The following SAMMSON variants were observed in gnomAD, a reference collection of about 807,000 sequenced individuals.
SAMMSON encodes the protein long intergenic non-protein coding RNA 1212.
intron 4 of SAMMSON, among the ~76,000 whole-genome samples, chr3:70,087,301 T>C (rs1372702203): frequency 6.6e-6 from 1 of 152,232 alleles, no homozygotes; most frequent in Non-Finnish European, 1.5e-5. Context: ...AACATTAGCT[T>C]ATTTAATTTG....
intron 1 of SAMMSON, among the ~76,000 whole-genome samples, chr3:70,009,765 T>C (rs923722155): frequency 6.6e-6 from 1 of 150,676 alleles, no homozygotes; most frequent in Non-Finnish European, 1.5e-5. Context: ...TGCTTTCTTT[T>C]GTGGGCATTT....
chr3:70,165,164 A>G (rs1218810216), intron 4 of SAMMSON, among the ~76,000 whole-genome samples: 1 of 152,036 alleles, frequency 6.6e-6, no homozygotes, highest in Non-Finnish European at 1.5e-5. Flanking sequence ...AGAAAAACAA[A>G]TCTCTTAATT....
chr3:70,107,788 C>G (rs1249606923), intron 4 of SAMMSON, among the ~76,000 whole-genome samples: 1 of 151,940 alleles, frequency 6.6e-6, no homozygotes, highest in Admixed American at 6.6e-5. Flanking sequence ...GTGATTCTGT[C>G]TTACAAATTG....
At chr3:70,045,181 C>T (rs144831686) in intron 3 of SAMMSON, among the ~76,000 whole-genome samples, 69,254 of 131,266 alleles carry the variant, frequency 0.53, 18,755 homozygotes, top group East Asian at 0.74. Flanking sequence ...TTATATATAT[C>T]GTTAATTATA....
chr3:70,297,993 TA>T (rs951051321), intron 7 of SAMMSON, among the ~76,000 whole-genome samples: 4 of 152,106 alleles, frequency 2.6e-5, no homozygotes, highest in Admixed American at 6.6e-5. Context: ...GAGAAATTTT[TA>T]AAAATTCTAA....
At chr3:70,161,282 G>A (rs1367396752) in intron 4 of SAMMSON, among the ~76,000 whole-genome samples, 1 of 151,926 alleles carries the variant, frequency 6.6e-6, no homozygotes, top group Admixed American at 6.6e-5. Flanking sequence ...AGTCTTTTAT[G>A]AGGAAGTATG....
At chr3:70,102,634 A>G (rs1412697616) in intron 4 of SAMMSON, among the ~76,000 whole-genome samples, 2 of 152,146 alleles carry the variant, frequency 1.3e-5, no homozygotes, top group African/African-American at 2.4e-5. Context: ...TAAAGGAGGG[A>G]GAATTCATCA....
intron 4 of SAMMSON, among the ~76,000 whole-genome samples, chr3:70,209,647 TC>T (rs1701324106): frequency 1.3e-5 from 2 of 152,098 alleles, no homozygotes; most frequent in Admixed American, 6.6e-5. Flanking sequence ...CCTGGTAGAT[TC>T]CAAAAGCTTT....
intron 4 of SAMMSON, chr3:70,127,754 G>C (rs2067465506): frequency 6.6e-6 from 1 of 152,162 alleles, no homozygotes; most frequent in Non-Finnish European, 1.5e-5. Context: ...CTATTCTTGT[G>C]CCTCAGCCTC....
At chr3:70,428,450 T>A (rs1263671774) in intron 2 of SAMMSON, among the ~76,000 whole-genome samples, 2 of 152,318 alleles carry the variant, frequency 1.3e-5, no homozygotes, top group East Asian at 3.9e-4. Context: ...ATTACTGATT[T>A]CTGATAACGG....
chr3:70,210,024 G>C (rs1003384207), intron 4 of SAMMSON, among the ~76,000 whole-genome samples: 1 of 152,048 alleles, frequency 6.6e-6, no homozygotes, highest in African/African-American at 2.4e-5. Flanking sequence ...TTAACAATCA[G>C]TTCAAATTAT....
intron 7 of SAMMSON, among the ~76,000 whole-genome samples, chr3:70,317,211 C>T (rs1242008394): frequency 1.3e-5 from 2 of 151,988 alleles, no homozygotes; most frequent in Non-Finnish European, 2.9e-5. Context: ...TATATATACA[C>T]AGGCTTACAG....
intron 7 of SAMMSON, among the ~76,000 whole-genome samples, chr3:70,337,587 G>A (rs1457045282): frequency 6.6e-6 from 1 of 151,760 alleles, no homozygotes; most frequent in African/African-American, 2.4e-5. Context: ...TCTTTATTTA[G>A]GGAGATCTTG....
chr3:70,387,226 T>C (rs1703129623), intron 9 of SAMMSON, among the ~76,000 whole-genome samples: 1 of 152,068 alleles, frequency 6.6e-6, no homozygotes, highest in Non-Finnish European at 1.5e-5. Flanking sequence ...AGAAGGTTGA[T>C]ATAAGGCAAA....
At chr3:70,043,885 G>C (rs559015207) in intron 3 of SAMMSON, among the ~76,000 whole-genome samples, 1 of 151,738 alleles carries the variant, frequency 6.6e-6, no homozygotes. Context: ...TTCTAGATTG[G>C]TGATGGTGAA....
intron 4 of SAMMSON, among the ~76,000 whole-genome samples, chr3:70,241,731 G>T (rs925062756): frequency 3.9e-5 from 6 of 152,092 alleles, no homozygotes; most frequent in African/African-American, 1.4e-4. Context: ...CTACTAAGGC[G>T]TCTAATGTCT....
At chr3:70,210,956 A>T (rs1240179288) in intron 4 of SAMMSON, among the ~76,000 whole-genome samples, 1 of 152,158 alleles carries the variant, frequency 6.6e-6, no homozygotes, top group Non-Finnish European at 1.5e-5. Flanking sequence ...CATGCAACAG[A>T]TGAATCAATG....
intron 2 of SAMMSON, among the ~76,000 whole-genome samples, chr3:70,406,905 C>A (rs541538269): frequency 1.3e-5 from 2 of 152,106 alleles, no homozygotes; most frequent in Non-Finnish European, 2.9e-5. Context: ...AGTCTGTTTT[C>A]GTGCTGCTGA....
intron 4 of SAMMSON, among the ~76,000 whole-genome samples, chr3:70,093,431 G>A (rs181459779): frequency 6.6e-6 from 1 of 152,280 alleles, no homozygotes; most frequent in East Asian, 1.9e-4. Context: ...CAATGGCTTG[G>A]ATTGTAGATC....
Sources: allele counts gnomAD v4.1 joint callset (sites outside exome capture counted in the v4.1 genomes callset), GRCh38; gene constraint gnomAD v4.1.1; transcripts MANE v1.5; gene names NCBI Gene and HGNC (gene_info 2026-07-23, HGNC 2026-07-21).